Variants in ZNF469 observed in about 807,000 individuals in gnomAD.
The protein encoded by ZNF469 is zinc finger protein 469.
A neutral mutation model predicts 1.0 loss-of-function variants in ZNF469; 1 was observed. The observed-to-expected ratio is 1.00, with a 90% CI of 0.35 to 4.73. ZNF469 has a LOEUF of 4.73. Among genes scored for constraint, ZNF469 ranks in the 30% most tolerant of loss-of-function variants. ZNF469 has a pLI of 0.16. For synonymous variants in ZNF469, 2,703 were observed against 2,363.4 expected, an observed-to-expected ratio of 1.14 and a Z score of -4.17; for missense variants, 6,100 against 5,356.3, an observed-to-expected ratio of 1.14 and a Z score of -4.33.
the ZNF469 span, among the ~76,000 whole-genome samples, chr16:88,244,571 G>A: frequency 1.3e-5 from 2 of 151,342 alleles, no homozygotes; most frequent in East Asian, 3.9e-4. Context: ...GTGGATGGAT[G>A]CATGGATGGA....
At chr16:88,377,987 C>T (rs2142253667), upstream of ZNF469, among the ~76,000 whole-genome samples, 1 of 152,296 alleles carries the variant, frequency 6.6e-6, no homozygotes, top group East Asian at 1.9e-4. Flanking sequence ...CAGGGACGGA[C>T]ACCTGCATCC....
the ZNF469 span, among the ~76,000 whole-genome samples, chr16:88,288,216 A>G: frequency 6.6e-6 from 1 of 151,940 alleles, no homozygotes; most frequent in East Asian, 1.9e-4. Flanking sequence ...TGCTTCCTAG[A>G]TCCATGCCCT....
chr16:88,247,332 ATGAGTGAATGAG>A, the ZNF469 span, among the ~76,000 whole-genome samples: 12 of 147,474 alleles, frequency 8.1e-5, no homozygotes, highest in Admixed American at 1.3e-4. Context: ...TGAATGGTGA[ATGAGTGAATGAG>A]TGAGTGAATG....
chr16:88,376,914 C>T, the ZNF469 span, among the ~76,000 whole-genome samples: 12 of 152,318 alleles, frequency 7.9e-5, no homozygotes, highest in South Asian at 2.1e-4. Flanking sequence ...CAGCGTGCCC[C>T]GAGGCCCCCG....
the ZNF469 span, among the ~76,000 whole-genome samples, chr16:88,102,739 G>A: frequency 1.3e-5 from 2 of 152,230 alleles, no homozygotes; most frequent in Non-Finnish European, 2.9e-5. Context: ...TGTGAAAGAG[G>A]AGAAACCCTC....
the ZNF469 span, among the ~76,000 whole-genome samples, chr16:88,165,808 G>T: frequency 6.6e-6 from 1 of 151,816 alleles, no homozygotes; most frequent in African/African-American, 2.4e-5. Flanking sequence ...CGGCCCCGCC[G>T]CCTCCTTTCC....
chr16:88,129,573 C>T, the ZNF469 span, among the ~76,000 whole-genome samples: 75 of 152,248 alleles, frequency 4.9e-4, no homozygotes, highest in Non-Finnish European at 6.6e-4. Flanking sequence ...ATTGAAGCTG[C>T]CTGGGAGTGG....
chr16:88,410,403 T>A (rs1036000267), intron 1 of ZNF469, among the ~76,000 whole-genome samples: 2 of 150,290 alleles, frequency 1.3e-5, no homozygotes, highest in Non-Finnish European at 3.0e-5. Context: ...ATGCTGTTGA[T>A]GGTGCAGGTC....
rs2142300361 is a variant in ZNF469, at chr16:88,429,304, T to C, written c.1834T>C (p.Ser612Pro). The change falls in exon 3 of 3, where the codon TCC becomes CCC. Residue 612 changes from serine to proline, a missense_variant. Physicochemically the swap from Ser to Pro is moderately conservative, Grantham distance 74. Coordinates refer to ENST00000565624, the MANE Select transcript of ZNF469 (RefSeq NM_001367624.2). ...CACCTGCTCTTCCCTGTCGCCGATG[T>C]CCAGCAGCCCAGCCAACCCCAGCTC... ...GSTCSSLSPM[S>P]SSPANPSSEE... is the part of the protein sequence containing the mutation. The C allele has an allele frequency of 6.5e-7, 1 of 1,549,844 alleles. No individual in the cohort carries two copies. Among genetic ancestry groups the C allele is most frequent in the Non-Finnish European group, 8.7e-7 (1 of 1,146,830 alleles).
At chr16:88,105,334 C>T in the ZNF469 span, among the ~76,000 whole-genome samples, 5 of 143,026 alleles carry the variant, frequency 3.5e-5, no homozygotes, top group African/African-American at 7.9e-5. Flanking sequence ...GACAGAGTTT[C>T]GCTCTTGTTG....
chr16:88,398,270 C>G (rs1904747852), intron 1 of ZNF469, among the ~76,000 whole-genome samples: 1 of 152,176 alleles, frequency 6.6e-6, no homozygotes, highest in African/African-American at 2.4e-5. Flanking sequence ...AAGCCACGGA[C>G]AAAGGGAAAC....
At chr16:88,359,866 A>AT in the ZNF469 span, among the ~76,000 whole-genome samples, 2 of 152,226 alleles carry the variant, frequency 1.3e-5, no homozygotes, top group African/African-American at 4.8e-5. Flanking sequence ...AGACCTTATC[A>AT]TGTCTCTGTC....
intron 1 of ZNF469, among the ~76,000 whole-genome samples, chr16:88,409,100 G>T (rs8044502): frequency 0.72 from 109,772 of 152,038 alleles, 41,888 homozygotes; most frequent in South Asian, 0.89. Flanking sequence ...CCCCTCTGCT[G>T]CAGGGAGGGT....
the ZNF469 span, among the ~76,000 whole-genome samples, chr16:88,102,065 C>T: frequency 1.1e-4 from 16 of 139,790 alleles, no homozygotes; most frequent in Non-Finnish European, 2.0e-4. Flanking sequence ...CCCCCCACCC[C>T]CGCCCCCCGC....
At chr16:88,177,219 C>T in the ZNF469 span, 2 of 152,188 alleles carry the variant, frequency 1.3e-5, no homozygotes, top group Admixed American at 6.5e-5. This position sits in a 1 kb window ranked among gnomAD's most constrained non-coding sequence, Gnocchi z 4.8. Flanking sequence ...CAAGGGGACC[C>T]GAGCTGAACT....
At position 88,435,683 on chromosome 16, in the gene ZNF469, C is replaced by T; in HGVS notation, c.8213C>T (p.Ala2738Val). The T allele has an allele frequency of 3.9e-6, 6 of 1,550,602 alleles. No homozygotes were observed. The highest frequency in any genetic ancestry group is 5.2e-6 in the Non-Finnish European group (6 of 1,146,994). ...RMLCPGRMDG[A>V]ALGEQPTGQK... ...CTGTGTCCAGGGAGGATGGATGGTG[C>T]AGCTCTGGGGGAACAGCCAACTGGG... is the stretch of plus-strand genomic sequence containing the variant. Residue 2738 changes from alanine to valine, a missense_variant, in exon 3 of 3, where the codon GCA (alanine) becomes GTA (valine). Transcript: ENST00000565624.
chr16:88,224,633 G>A, the ZNF469 span, among the ~76,000 whole-genome samples: 2 of 152,216 alleles, frequency 1.3e-5, no homozygotes, highest in African/African-American at 4.8e-5. Flanking sequence ...GGGCGTCTGG[G>A]CTGCACCTCA....
the ZNF469 span, among the ~76,000 whole-genome samples, chr16:88,183,697 C>A: frequency 1.3e-5 from 2 of 152,278 alleles, no homozygotes; most frequent in East Asian, 3.9e-4. Flanking sequence ...GGACACTTAC[C>A]AAGTCGTCGG....
chr16:88,439,173 G>C lies in ZNF469; in HGVS notation c.11703G>C (p.Leu3901=). 2 of 1,550,514 alleles carry C rather than the reference G, an allele frequency of 1.3e-6. No individual in the cohort carries two copies. Among genetic ancestry groups the C allele is most frequent in the Non-Finnish European group, 1.7e-6 (2 of 1,146,976 alleles). The change falls in exon 3 of 3, where the codon CTG becomes CTC. Residue 3901 remains leucine, a synonymous_variant. Coordinates refer to ENST00000565624, the MANE Select transcript of ZNF469 (RefSeq NM_001367624.2). Reference sequence around the variant, plus strand: ...AGGCCTTCCCCCAGGGGAGACCCCTGCTCAGGCCCCCCAAGAGGGGCACAG... The same window carrying C: ...AGGCCTTCCCCCAGGGGAGACCCCTCCTCAGGCCCCCCAAGAGGGGCACAG... ...LGKAFPQGRP[L]LRPPKRGTAV... is the part of the protein sequence containing the mutation.
Sources: allele counts gnomAD v4.1 joint callset (sites outside exome capture counted in the v4.1 genomes callset), GRCh38; gene constraint gnomAD v4.1.1; non-coding constraint Gnocchi (gnomAD v3.1); transcripts MANE v1.5; gene names NCBI Gene and HGNC (gene_info 2026-07-23, HGNC 2026-07-21).